Variants in ST6GAL2 observed in about 807,000 individuals in gnomAD.
ST6GAL2 encodes ST6 beta-galactoside alpha-2,6-sialyltransferase 2.
A neutral mutation model predicts 37.5 loss-of-function variants in ST6GAL2; 24 were observed. The observed-to-expected ratio is 0.64, with a 90% CI of 0.46 to 0.90. The LOEUF is 0.90. ST6GAL2 is among the 40% of genes least tolerant of loss of function. The pLI is 0.00. For missense variants in ST6GAL2, 715 were observed against 712.7 expected (o/e 1.00, Z -0.04); for synonymous variants, 306 against 295.1 (o/e 1.04, Z -0.38).
At chr2:106,844,367 C>T (rs979916004) in intron 1 of ST6GAL2, among the ~76,000 whole-genome samples, 4 of 152,058 alleles carry the variant, frequency 2.6e-5, no homozygotes, top group African/African-American at 9.7e-5. Flanking sequence ...GACAGTAGTG[C>T]CCCTGCCCAC....
intron 5 of ST6GAL2, among the ~76,000 whole-genome samples, chr2:106,828,464 G>A (rs1676288042): frequency 6.6e-6 from 1 of 152,172 alleles, no homozygotes; most frequent in Non-Finnish European, 1.5e-5. Flanking sequence ...TCAAAGGCAT[G>A]AGTTTAAAAG....
intron 1 of ST6GAL2, among the ~76,000 whole-genome samples, chr2:106,852,251 C>A (rs573560728): frequency 6.6e-6 from 1 of 152,188 alleles, no homozygotes; most frequent in African/African-American, 2.4e-5. Context: ...TACAGTCCTG[C>A]GGGATTGCCA....
chr2:106,839,173 G>C (rs1022798572), intron 2 of ST6GAL2, among the ~76,000 whole-genome samples: 1 of 152,154 alleles, frequency 6.6e-6, no homozygotes, highest in South Asian at 2.1e-4. Context: ...CATCCAGGAA[G>C]ATGATCTGCC....
At chr2:106,877,894 G>A (rs1678573948) in intron 1 of ST6GAL2, among the ~76,000 whole-genome samples, 1 of 152,176 alleles carries the variant, frequency 6.6e-6, no homozygotes, top group Admixed American at 6.5e-5. Context: ...CAGTTCTAAG[G>A]AACAGCCTTG....
chr2:106,839,709 T>C (rs867133160), intron 2 of ST6GAL2, among the ~76,000 whole-genome samples: 3 of 152,150 alleles, frequency 2.0e-5, no homozygotes, highest in Non-Finnish European at 4.4e-5. Flanking sequence ...GGTACACAGA[T>C]CTTGGTTTCC....
intron 1 of ST6GAL2, among the ~76,000 whole-genome samples, chr2:106,850,654 T>G (rs1010039131): frequency 1.3e-5 from 2 of 152,172 alleles, no homozygotes; most frequent in Non-Finnish European, 2.9e-5. Context: ...GTCTCAGTCA[T>G]CAGCATATCT....
chr2:106,857,587 C>T (rs1284325709), intron 1 of ST6GAL2, among the ~76,000 whole-genome samples: 2 of 152,114 alleles, frequency 1.3e-5, no homozygotes, highest in Non-Finnish European at 2.9e-5. Flanking sequence ...CTGGGCAACA[C>T]AGCAAGACCC....
In ST6GAL2 at chr2:106,843,667, T is replaced by A. The variant is rs1473218974; in HGVS notation, c.311A>T (p.Asp104Val). ...GDLQKWAQSQ[D>V]GFEHKEFFSS... ...AAAAAACTCTTTATGTTCAAACCCA[T>A]CTTGGGACTGGGCCCATTTCTGCAG... The change falls in exon 2 of 6, where the codon GAT (aspartate) becomes GTT (valine). Residue 104 changes from aspartate to valine, a missense_variant. By Grantham distance (152) the Asp-to-Val change is radical. This residue lies in a region of ST6GAL2 where 512 missense variants were observed against 488.8 expected (regional missense o/e 1.05). Transcript: ENST00000409382. 1 of 1,613,388 alleles carries A rather than the reference T, an allele frequency of 6.2e-7. No homozygotes were observed. Among genetic ancestry groups the A allele is most frequent in the Non-Finnish European group, 8.5e-7 (1 of 1,180,008 alleles).
rs1409654717 is a variant in ST6GAL2, at chr2:106,803,636, C to A, written c.*3042G>T. 1.3e-5 allele frequency: 2 copies of A among 152,002 alleles called. No homozygotes were observed. Among genetic ancestry groups the A allele is most frequent in the African/African-American group, 4.8e-5 (2 of 41,354 alleles). 9.4% of individuals were successfully genotyped at this position (152,002 alleles called of 1,614,324 possible). On this transcript the variant is annotated 3_prime_UTR_variant, in exon 6 of 6. Transcript: ENST00000409382. ...GTAACAACAACAACAACAACAACAA[C>A]AACAACAACAACAACAACAACAGGT...
chr2:106,812,078 T>C (rs1415542348), intron 5 of ST6GAL2, among the ~76,000 whole-genome samples: 4 of 152,154 alleles, frequency 2.6e-5, no homozygotes, highest in African/African-American at 9.7e-5. Flanking sequence ...TATTAGGAAG[T>C]GAGGCCTTGG....
At position 106,813,564 on chromosome 2, in the gene ST6GAL2, A is replaced by G. The variant is rs190759367; in HGVS notation, c.1319-6615T>C. On this transcript the variant is annotated intron_variant, in intron 5 of 5. Coordinates refer to ENST00000409382, the MANE Select transcript of ST6GAL2 (RefSeq NM_001142351.2). Reference sequence around the variant, plus strand: ...TATATTTGATGTGTTATCAGAGTCTAGTATAATCATTTAGCATTTAGCTTA... The same window carrying G: ...TATATTTGATGTGTTATCAGAGTCTGGTATAATCATTTAGCATTTAGCTTA... Among the ~76,000 whole-genome samples, 574 of 152,342 alleles carry G rather than the reference A, an allele frequency of 3.8e-3. 4 individuals are homozygous for G. The highest frequency in any genetic ancestry group is 0.014 in the Middle Eastern group (4 of 294).
At chr2:106,836,438 G>T (rs1573243453) in intron 2 of ST6GAL2, among the ~76,000 whole-genome samples, 1 of 152,084 alleles carries the variant, frequency 6.6e-6, no homozygotes, top group East Asian at 1.9e-4. Flanking sequence ...ACCTATCAAT[G>T]AACTTTTTGT....
rs1474174088 is a variant in ST6GAL2 at position 106,830,230 on chromosome 2, T to A, written c.1154A>T (p.Lys385Ile). Reference protein sequence around the residue: ...YSANLNLWYKKPDYNLFTPYI... With the variant: ...YSANLNLWYKIPDYNLFTPYI... ...TGGAGTGAACAGGTTGTAATCCGGT[T>A]TTTTGTACCACTAAGGAAAAAAAAA... is the stretch of plus-strand genomic sequence containing the variant. The change falls in exon 5 of 6, where the codon AAA becomes ATA. Residue 385 changes from lysine to isoleucine, a missense_variant. Transcript: ENST00000409382. The A allele has an allele frequency of 1.2e-6, 2 of 1,609,292 alleles. No homozygotes were observed. Among genetic ancestry groups the A allele is most frequent in the Non-Finnish European group, 1.7e-6 (2 of 1,178,388 alleles).
intron 1 of ST6GAL2, among the ~76,000 whole-genome samples, chr2:106,850,958 G>A (rs1443300001): frequency 1.3e-5 from 2 of 152,216 alleles, no homozygotes; most frequent in African/African-American, 4.8e-5. Flanking sequence ...ATGGGACAGT[G>A]CTCCTTAATC....
chr2:106,879,259 C>T lies in ST6GAL2; in HGVS notation c.-58+6834G>A, dbSNP rs115045787. Among the ~76,000 whole-genome samples, 1,390 of 152,236 alleles carry T rather than the reference C, an allele frequency of 9.1e-3. 17 individuals are homozygous for T. The highest frequency in any genetic ancestry group is 0.03 in the African/African-American group (1,242 of 41,520). ...GTATTAGTGGGATATGATGATAATA[C>T]AGCATGATGTGTTTTAACTCTGTGG... On this transcript the variant is annotated intron_variant, in intron 1 of 5. Coordinates refer to ENST00000409382, the MANE Select transcript of ST6GAL2 (RefSeq NM_001142351.2).
chr2:106,879,077 G>A (rs924142407), intron 1 of ST6GAL2, among the ~76,000 whole-genome samples: 1 of 152,080 alleles, frequency 6.6e-6, no homozygotes, highest in Non-Finnish European at 1.5e-5. Flanking sequence ...CCCTTAAGAG[G>A]CACATTGTGT....
chr2:106,832,799 G>T, intron 3 of ST6GAL2, 133 bp from the exon 4 acceptor site: 3 of 692,438 alleles, frequency 4.3e-6, no homozygotes, highest in Non-Finnish European at 2.6e-6. Flanking sequence ...TCTTCTGGGG[G>T]AGGGAGAGAG....
At chr2:106,818,002 G>C (rs535571879) in intron 5 of ST6GAL2, among the ~76,000 whole-genome samples, 5 of 152,192 alleles carry the variant, frequency 3.3e-5, no homozygotes, top group African/African-American at 1.2e-4. Context: ...AAAGGGGAAA[G>C]AACAGTGGGG....
At chr2:106,815,926 T>C (rs1421169978) in intron 5 of ST6GAL2, among the ~76,000 whole-genome samples, 1 of 151,594 alleles carries the variant, frequency 6.6e-6, no homozygotes, top group Non-Finnish European at 1.5e-5. Flanking sequence ...CATTCATTCA[T>C]TTGTTTTTTC....
Sources: allele counts gnomAD v4.1 joint callset (sites outside exome capture counted in the v4.1 genomes callset), GRCh38; gene constraint gnomAD v4.1.1; regional missense constraint gnomAD v4.1.1; transcripts MANE v1.5; gene names NCBI Gene and HGNC (gene_info 2026-07-23, HGNC 2026-07-21).